PTPRM: variants seen among roughly 807,000 people sequenced by gnomAD.
The protein encoded by PTPRM is receptor-type tyrosine-protein phosphatase mu.
A neutral mutation model predicts 186.7 loss-of-function variants in PTPRM; 47 were observed. The ratio of observed to expected loss-of-function variants is 0.25; its 90% CI spans 0.20 to 0.32. The LOEUF (loss-of-function observed/expected upper bound fraction) is 0.32. Ranked by LOEUF, PTPRM falls within the 10% of genes least tolerant of loss-of-function variation. The pLI, the probability that PTPRM is intolerant of heterozygous loss-of-function variation, is 1.00. For missense variants in PTPRM, 1,494 were observed against 1,865.0 expected (o/e 0.80, Z 3.66); for synonymous variants, 668 against 674.9 (o/e 0.99, Z 0.16).
At chr18:7,922,396 G>A (rs1388631821) in intron 4 of PTPRM, among the ~76,000 whole-genome samples, 2 of 152,170 alleles carry the variant, frequency 1.3e-5, no homozygotes, top group South Asian at 2.1e-4. Flanking sequence ...AGGCACTTTC[G>A]ATGTTTCCAT....
At chr18:7,619,072 G>A (rs2037875662) in intron 1 of PTPRM, among the ~76,000 whole-genome samples, 1 of 152,146 alleles carries the variant, frequency 6.6e-6, no homozygotes, top group Admixed American at 6.5e-5. Flanking sequence ...TGAGATGGCA[G>A]GCTTAAGCAA....
At chr18:7,889,338 T>TTC (rs1307711647) in intron 3 of PTPRM, among the ~76,000 whole-genome samples, 56 of 144,774 alleles carry the variant, frequency 3.9e-4, no homozygotes, top group Admixed American at 1.9e-3. Flanking sequence ...TCTTTCTTTT[T>TTC]TTTTTTTTTT....
At chr18:8,054,497 A>G (rs2087769749) in intron 7 of PTPRM, among the ~76,000 whole-genome samples, 1 of 151,428 alleles carries the variant, frequency 6.6e-6, no homozygotes, top group Non-Finnish European at 1.5e-5. Context: ...TGAAGGTATT[A>G]TCCTATGGCT....
intron 2 of PTPRM, among the ~76,000 whole-genome samples, chr18:7,790,999 G>A (rs2043315373): frequency 6.6e-6 from 1 of 151,720 alleles, no homozygotes; most frequent in Non-Finnish European, 1.5e-5. Context: ...TAAAGGAGCT[G>A]GTAGTTTGTC....
At chr18:8,255,995 A>T (rs904110418) in intron 19 of PTPRM, among the ~76,000 whole-genome samples, 5 of 152,230 alleles carry the variant, frequency 3.3e-5, no homozygotes, top group Non-Finnish European at 5.9e-5. Context: ...GCAGGTACTC[A>T]TATGTCCCAC....
intron 11 of PTPRM, among the ~76,000 whole-genome samples, chr18:8,110,954 G>A (rs2091727781): frequency 6.6e-6 from 1 of 152,222 alleles, no homozygotes; most frequent in Admixed American, 6.5e-5. Context: ...GTTTCCATCA[G>A]TGCCTTCACT....
chr18:7,584,358 G>A (rs564059783), intron 1 of PTPRM, among the ~76,000 whole-genome samples: 8 of 152,154 alleles, frequency 5.3e-5, no homozygotes, highest in Non-Finnish European at 1.0e-4. Context: ...GGTGTTTGTC[G>A]TCGATTGTTA....
intron 14 of PTPRM, among the ~76,000 whole-genome samples, chr18:8,235,476 T>TTTTTTTTTTTTTTTTTTTTTG (rs1481569126): frequency 2.2e-5 from 3 of 136,770 alleles, no homozygotes; most frequent in South Asian, 2.2e-4. Flanking sequence ...TTTTTTTTTT[T>TTTTTTTTTTTTTTTTTTTTTG]TTTAGCCTGG....
chr18:7,573,845 C>T (rs2143381028), intron 1 of PTPRM, among the ~76,000 whole-genome samples: 1 of 152,278 alleles, frequency 6.6e-6, no homozygotes, highest in African/African-American at 2.4e-5. Flanking sequence ...CCTGCTTCCA[C>T]CTCCCAAAGT....
chr18:8,115,856 T>C (rs753450351), intron 13 of PTPRM, among the ~76,000 whole-genome samples: 88 of 152,234 alleles, frequency 5.8e-4, no homozygotes, highest in Non-Finnish European at 1.0e-4. Flanking sequence ...CATGACTCTT[T>C]TAGTCAGTGT....
At position 8,299,166 on chromosome 18, in the gene PTPRM, G is replaced by A. The variant is rs574845326; in HGVS notation, c.2842+2711G>A. ...CTCCACTTGGCCCGTGTGGGTATTT[G>A]GTGTACAGCTGCTTGTCACAGGAAC... On this transcript the variant is annotated intron_variant, in intron 20 of 32. Transcript: ENST00000580170. Among the ~76,000 whole-genome samples, 6 of 152,236 alleles carry A rather than the reference G, an allele frequency of 3.9e-5. No individual in the cohort carries two copies. The East Asian group carries it at 1.2e-3, about 29-fold the overall frequency.
At chr18:8,333,059 C>T (rs1259130129) in intron 22 of PTPRM, among the ~76,000 whole-genome samples, 1 of 152,076 alleles carries the variant, frequency 6.6e-6, no homozygotes, top group Non-Finnish European at 1.5e-5. Flanking sequence ...CGAGTTTTCC[C>T]CATCATAGAA....
chr18:8,057,024 G>A lies in PTPRM; in HGVS notation c.1133-12662G>A, dbSNP rs181266586. On this transcript the variant is annotated intron_variant, in intron 7 of 32. Transcript: ENST00000580170. Reference sequence around the variant, plus strand: ...TTATTTAATGTAATTCTAGACACCAGTTAAACTAACATAGCTTCAACTCTG... The same window carrying A: ...TTATTTAATGTAATTCTAGACACCAATTAAACTAACATAGCTTCAACTCTG... Among the ~76,000 whole-genome samples, 260 of 151,624 alleles carry A rather than the reference G, an allele frequency of 1.7e-3. 1 individual carries two copies. Among genetic ancestry groups the A allele is most frequent in the African/African-American group, 5.8e-3 (241 of 41,280 alleles).
chr18:7,703,228 C>T (rs555239795), intron 1 of PTPRM, among the ~76,000 whole-genome samples: 3 of 152,116 alleles, frequency 2.0e-5, no homozygotes, highest in African/African-American at 4.8e-5. Context: ...TAGCTTGATG[C>T]GGATAGCATT....
At chr18:7,900,481 T>C (rs2049605543) in intron 3 of PTPRM, among the ~76,000 whole-genome samples, 2 of 152,178 alleles carry the variant, frequency 1.3e-5, no homozygotes, top group African/African-American at 4.8e-5. Flanking sequence ...GTCTTCCCAA[T>C]TGCTATATTT....
chr18:8,252,406 T>G, intron 17 of PTPRM, 82 bp from the exon 18 acceptor site: 1 of 1,124,398 alleles, frequency 8.9e-7, no homozygotes, highest in East Asian at 2.3e-5. Flanking sequence ...AAACTACCTG[T>G]AATTATGCAC....
intron 3 of PTPRM, among the ~76,000 whole-genome samples, chr18:7,895,574 A>G (rs2146433720): frequency 6.6e-6 from 1 of 152,286 alleles, no homozygotes; most frequent in African/African-American, 2.4e-5. Flanking sequence ...CTGCATCTCA[A>G]GGACCAGGTG....
At chr18:7,952,553 G>A (rs1015239419) in intron 6 of PTPRM, among the ~76,000 whole-genome samples, 6 of 151,882 alleles carry the variant, frequency 4.0e-5, no homozygotes, top group South Asian at 2.1e-4. Flanking sequence ...AAAATTAGCC[G>A]GGCATGGTGG....
intron 1 of PTPRM, among the ~76,000 whole-genome samples, chr18:7,608,673 A>G (rs372630806): frequency 6.6e-6 from 1 of 152,074 alleles, no homozygotes; most frequent in South Asian, 2.1e-4. Flanking sequence ...GATTTTGTTC[A>G]TGAAGGGCCT....
Sources: gnomAD v4.1 joint callset for allele counts (sites outside exome capture counted in the v4.1 genomes callset) on GRCh38, gnomAD v4.1.1 for gene constraint, MANE v1.5 for transcripts, NCBI Gene and HGNC (gene_info 2026-07-23, HGNC 2026-07-21) for gene names.